The following RPS10 variants were observed in gnomAD, a reference collection of about 807,000 sequenced individuals.
RPS10 encodes ribosomal protein S10, also known as small ribosomal subunit protein eS10.
A neutral mutation model predicts 22.6 loss-of-function variants in RPS10; 2 were observed. The observed-to-expected ratio is 0.09, with a 90% CI of 0.04 to 0.28. The LOEUF is 0.28. Ranked by LOEUF, RPS10 falls within the 10% of genes least tolerant of loss-of-function variation. The pLI is 1.00. For missense variants in RPS10, 137 were observed against 222.2 expected (o/e 0.62, Z 2.44); for synonymous variants, 70 against 75.9 (o/e 0.92, Z 0.40).
intron 1 of RPS10, 176 bp from the exon 2 acceptor site, chr6:34,425,397 A>C: frequency 2.7e-6 from 2 of 743,892 alleles, no homozygotes; most frequent in Non-Finnish European, 4.5e-6. Flanking sequence ...CCACCCCCAA[A>C]CACAATTCAG....
intron 3 of RPS10, 81 bp downstream of exon 3, chr6:34,424,588 A>T: frequency 6.4e-6 from 10 of 1,573,192 alleles, no homozygotes; most frequent in Non-Finnish European, 8.7e-6. Context: ...TCTAAAGCTG[A>T]CATCAGCTAA....
At chr6:34,423,526 A>G (rs933492408) in intron 3 of RPS10, among the ~76,000 whole-genome samples, 1 of 152,224 alleles carries the variant, frequency 6.6e-6, no homozygotes, top group Non-Finnish European at 1.5e-5. Flanking sequence ...TATCAAGCAC[A>G]GATAGGCACT....
chr6:34,420,536 A>G lies in RPS10; in HGVS notation c.400+1194T>C, dbSNP rs560939451. Among the ~76,000 whole-genome samples the G allele has an allele frequency of 2.6e-5, 4 of 152,228 alleles. No homozygotes were observed. In the East Asian group the frequency reaches 7.7e-4, roughly 29 times the overall value. On this transcript the variant is annotated intron_variant, in intron 4 of 5. Transcript: ENST00000648437. ...CCTGGCCCATAATCGTTAAACTTCC[A>G]GTATCACCAACTTCCTCTGAACCAA...
At chr6:34,417,900 G>A in intron 5 of RPS10, 1 of 718,390 alleles carries the variant, frequency 1.4e-6, no homozygotes, top group South Asian at 1.5e-5. Context: ...ATGAGGACCT[G>A]CCATAGGACA....
intron 3 of RPS10, among the ~76,000 whole-genome samples, chr6:34,423,474 T>C (rs1269824954): frequency 6.6e-6 from 1 of 152,194 alleles, no homozygotes; most frequent in African/African-American, 2.4e-5. Context: ...AATCATGTAA[T>C]GAGTGGCAAA....
At chr6:34,418,626 A>G (rs73744897) in intron 4 of RPS10, among the ~76,000 whole-genome samples, 1 of 152,098 alleles carries the variant, frequency 6.6e-6, no homozygotes, top group South Asian at 2.1e-4. Flanking sequence ...TCCTTATGTC[A>G]CCCTTCAATA....
rs763715001 is a variant in RPS10, at chr6:34,421,770, C to T, written c.360G>A (p.Gly120=). The change falls in exon 4 of 6, where the codon GGG becomes GGA. Residue 120 remains glycine, a synonymous_variant. Coordinates refer to ENST00000648437, the MANE Select transcript of RPS10 (RefSeq NM_001014.5). ...GTCTGTAGGTATCTCTGTCAGCTTC[C>T]CCTCTTGTGAGTCTCGCAGGTCGCT... The part of the protein sequence containing the change: ...EGERPARLTR[G]EADRDTYRRS... The T allele has an allele frequency of 1.9e-5, 31 of 1,613,906 alleles. No individual in the cohort carries two copies. In the South Asian group the frequency reaches 3.1e-4, roughly 16 times the overall value.
chr6:34,421,437 A>ACC (rs373991330), intron 4 of RPS10, among the ~76,000 whole-genome samples: 1 of 140,592 alleles, frequency 7.1e-6, no homozygotes, highest in African/African-American at 2.7e-5. Flanking sequence ...GCCCACTTCG[A>ACC]CCCCCCCCCT....
chr6:34,417,782 G>A, intron 5 of RPS10: 3 of 718,620 alleles, frequency 4.2e-6, no homozygotes. Flanking sequence ...CCCACCCAGA[G>A]TGTGTTCATA....
intron 3 of RPS10, among the ~76,000 whole-genome samples, chr6:34,423,622 C>T (rs781177948): frequency 1.3e-5 from 2 of 152,086 alleles, no homozygotes; most frequent in Non-Finnish European, 2.9e-5. Context: ...CGGTGGCTAA[C>T]GCCTGTAATC....
rs1261810001 is a variant in RPS10, at chr6:34,423,979, G to A, written c.322+690C>T. Among the ~76,000 whole-genome samples the A allele has an allele frequency of 6.6e-5, 10 of 151,932 alleles. No homozygotes were observed. The East Asian group carries it at 1.7e-3, about 26-fold the overall frequency. On this transcript the variant is annotated intron_variant, in intron 3 of 5. Coordinates refer to ENST00000648437, the MANE Select transcript of RPS10 (RefSeq NM_001014.5). ...CTCTCCAGGGGAACCTGGGCCCTCT[G>A]ATGATCACATTTAGGAATCTGCGCA...
At chr6:34,425,460 A>C (rs1224904460) in intron 1 of RPS10, 4 of 512,144 alleles carry the variant, frequency 7.8e-6, no homozygotes, top group Non-Finnish European at 1.1e-5. Context: ...CATTCGCGCC[A>C]AACTTCCTTA....
At chr6:34,424,964 G>A (rs1056769666) in intron 2 of RPS10, 108 bp downstream of exon 2, 37 of 1,608,318 alleles carry the variant, frequency 2.3e-5, no homozygotes, top group Non-Finnish European at 3.1e-5. Flanking sequence ...CTCCCTTTTT[G>A]AACTTGCCTT....
At chr6:34,419,738 G>T (rs1181852390) in intron 4 of RPS10, among the ~76,000 whole-genome samples, 1 of 151,810 alleles carries the variant, frequency 6.6e-6, no homozygotes, top group Non-Finnish European at 1.5e-5. Context: ...CACCACGCTT[G>T]GCTAATTTTT....
At position 34,421,738 on chromosome 6, in the gene RPS10, G is replaced by C; in HGVS notation, c.392C>G (p.Ala131Gly). ...GTGATGCATTTACTCACGTGGCACA[G>C]CACTCCGTCTGTAGGTATCTCTGTC... ...EADRDTYRRS[A>G]VPPGADKKAE... The change falls in exon 4 of 6, where the codon GCT becomes GGT. Residue 131 changes from alanine (A) to glycine (G), a missense_variant. Transcript: ENST00000648437. 1 of 1,613,814 alleles carries C rather than the reference G, an allele frequency of 6.2e-7. No homozygotes were observed.
At chr6:34,419,049 G>A (rs769293290) in intron 4 of RPS10, among the ~76,000 whole-genome samples, 8 of 151,970 alleles carry the variant, frequency 5.3e-5, no homozygotes, top group Non-Finnish European at 8.8e-5. Flanking sequence ...ACTGAATTTC[G>A]CTCTTGTTGC....
rs766295314 is a variant in RPS10 at position 34,425,225 on chromosome 6, CAAG to C, written c.1-7_1-5del. On this transcript the variant is annotated splice_region_variant and splice_polypyrimidine_tract_variant and intron_variant, in intron 1 of 5. Transcript: ENST00000648437. ...GGTTCTTCTTAGGCATCAACATCTG[CAAG>C]AAGGAGACGATTGTCAAGAGCACTT... 97 of 1,605,960 alleles carry C rather than the reference CAAG, an allele frequency of 6.0e-5. No homozygotes were observed. The highest frequency in any genetic ancestry group is 7.5e-5 in the Non-Finnish European group (88 of 1,176,400).
At chr6:34,417,730 A>T in intron 5 of RPS10, 183 bp from the exon 6 acceptor site, 1 of 726,200 alleles carries the variant, frequency 1.4e-6, no homozygotes, top group Non-Finnish European at 2.5e-6. Context: ...CATATCTAAC[A>T]TCTAGGCCCA....
chr6:34,422,037 T>C (rs928117373), intron 3 of RPS10, among the ~76,000 whole-genome samples: 1 of 150,992 alleles, frequency 6.6e-6, no homozygotes, highest in African/African-American at 2.4e-5. Context: ...AAAAAAAGGC[T>C]TCCATTTTGT....
Sources: allele counts gnomAD v4.1 joint callset (sites outside exome capture counted in the v4.1 genomes callset), GRCh38; gene constraint gnomAD v4.1.1; transcripts MANE v1.5; gene names NCBI Gene and HGNC (gene_info 2026-07-23, HGNC 2026-07-21).